COL4A2: variants seen among roughly 807,000 people sequenced by gnomAD.
COL4A2 encodes collagen alpha-2(IV) chain.
Under a neutral mutation model 200.2 loss-of-function variants are expected in COL4A2, and 99 were observed. That is an observed-to-expected ratio of 0.49 (90% confidence interval 0.42 to 0.58). The LOEUF (loss-of-function observed/expected upper bound fraction) is 0.58, where lower values mean the gene tolerates loss of function less well. COL4A2 is among the 20% of genes least tolerant of loss of function. The pLI is 0.00. For missense variants in COL4A2, 1,950 were observed against 2,314.1 expected, an observed-to-expected ratio of 0.84 and a Z score of 3.23; for synonymous variants, 897 against 900.6, an observed-to-expected ratio of 1.00 and a Z score of 0.07.
intron 4 of COL4A2, among the ~76,000 whole-genome samples, chr13:110,371,900 G>A (rs1399519419): frequency 3.9e-5 from 6 of 152,138 alleles, no homozygotes; most frequent in African/African-American, 1.4e-4. Flanking sequence ...TTGGCTTTGA[G>A]ACAATAGGAA....
At chr13:110,462,567 T>A in intron 24 of COL4A2, 183 bp downstream of exon 24, 1 of 587,542 alleles carries the variant, frequency 1.7e-6, no homozygotes, top group Non-Finnish European at 2.9e-6. Flanking sequence ...AACGGTGAAT[T>A]AAGTTAGAAG....
chr13:110,483,067 C>T (rs538270953), intron 32 of COL4A2, among the ~76,000 whole-genome samples: 5 of 152,302 alleles, frequency 3.3e-5, no homozygotes, highest in South Asian at 2.1e-4. Context: ...GGACATAACA[C>T]GGTGCCAGAG....
chr13:110,439,849 G>C lies in COL4A2; in HGVS notation c.957+16G>C, dbSNP rs1322118385. ...AGGACAGAAGGTAAGTTGGATGCAT[G>C]AACTGCAGTCTGCTCTGGGCCCACG... On this transcript the variant is annotated intron_variant, in intron 16 of 47. Coordinates refer to ENST00000360467, the MANE Select transcript of COL4A2 (RefSeq NM_001846.4). 2 of 1,613,816 alleles carry C rather than the reference G, an allele frequency of 1.2e-6. No homozygotes were observed. Among genetic ancestry groups the C allele is most frequent in the Non-Finnish European group, 8.5e-7 (1 of 1,179,936 alleles).
intron 4 of COL4A2, among the ~76,000 whole-genome samples, chr13:110,420,839 C>T (rs1880221198): frequency 6.6e-6 from 1 of 152,160 alleles, no homozygotes; most frequent in Non-Finnish European, 1.5e-5. Context: ...CCTCCTCGGG[C>T]CATGCTGTAA....
At chr13:110,380,434 T>G (rs529198133) in intron 4 of COL4A2, among the ~76,000 whole-genome samples, 1 of 152,352 alleles carries the variant, frequency 6.6e-6, no homozygotes, top group South Asian at 2.1e-4. Flanking sequence ...CTTTAATGTG[T>G]TAACTGTTAA....
In COL4A2 at chr13:110,480,418, C is replaced by T. The variant is rs758879297; in HGVS notation, c.2758+28C>T. On this transcript the variant is annotated intron_variant, in intron 31 of 47. Coordinates refer to ENST00000360467, the MANE Select transcript of COL4A2 (RefSeq NM_001846.4). ...AATTGTGTGACTGTGACCAGGGATC[C>T]CTTGGCGGGGAGGTTGGGTCTAATC... The T allele has an allele frequency of 6.3e-6, 10 of 1,592,096 alleles. 2 individuals carry two copies. In the South Asian group the frequency reaches 1.1e-4, roughly 18 times the overall value.
intron 4 of COL4A2, among the ~76,000 whole-genome samples, chr13:110,398,114 C>T (rs1441496843): frequency 2.5e-5 from 3 of 121,722 alleles, no homozygotes; most frequent in African/African-American, 9.3e-5. Flanking sequence ...TTTTTTTTTT[C>T]CTACTGCTTC....
At chr13:110,355,212 C>T (rs1262355254) in intron 3 of COL4A2, among the ~76,000 whole-genome samples, 2 of 152,094 alleles carry the variant, frequency 1.3e-5, no homozygotes, top group African/African-American at 2.4e-5. Context: ...TAGGGAGGCT[C>T]CAGGCAGGCT....
At chr13:110,467,196 C>T (rs1386991597) in intron 27 of COL4A2, 100 bp downstream of exon 27, 2 of 1,468,818 alleles carry the variant, frequency 1.4e-6, no homozygotes, top group East Asian at 2.4e-5. Context: ...CTGCATCCCC[C>T]ACCCCAGACA....
chr13:110,491,851 C>T (rs1253221727), intron 37 of COL4A2, among the ~76,000 whole-genome samples: 1 of 152,252 alleles, frequency 6.6e-6, no homozygotes, highest in Non-Finnish European at 1.5e-5. Context: ...GCTATTTTCT[C>T]TCTGGCAAGG....
rs576818694 is a variant in COL4A2 at position 110,450,057 on chromosome 13, G to A, written c.1190-248G>A. 8.5e-5 allele frequency among the ~76,000 whole-genome samples: 13 copies of A among 152,308 alleles called. No homozygotes were observed. In the South Asian group the frequency reaches 1.5e-3, roughly 17 times the overall value. ...TCCACCTGTGGGTTGGGAAGAGAAC[G>A]GAGAATCATCAGGTGTTGTTGCCCA... On this transcript the variant is annotated intron_variant, in intron 19 of 47. Coordinates refer to ENST00000360467, the MANE Select transcript of COL4A2 (RefSeq NM_001846.4).
At chr13:110,472,457 G>A (rs923085947) in intron 28 of COL4A2, among the ~76,000 whole-genome samples, 14 of 152,078 alleles carry the variant, frequency 9.2e-5, no homozygotes, top group African/African-American at 1.4e-4. Flanking sequence ...TTTCCCAACC[G>A]ACAGTGACGG....
chr13:110,370,598 T>A (rs1236705006), intron 4 of COL4A2, among the ~76,000 whole-genome samples: 1 of 152,210 alleles, frequency 6.6e-6, no homozygotes, highest in Non-Finnish European at 1.5e-5. Flanking sequence ...TTTTTCTGCT[T>A]CTTCACTCTT....
At position 110,488,171 on chromosome 13, in the gene COL4A2, G is replaced by A. The variant is rs140722759; in HGVS notation, c.3208-1274G>A. On this transcript the variant is annotated intron_variant, in intron 34 of 47. Transcript: ENST00000360467. ...CTCCCAAGTAGCTGGGATTACAGGCGCACGCCACCACGCCCAGCTAATTTT... is the reference window on the plus strand; with the variant it reads ...CTCCCAAGTAGCTGGGATTACAGGCACACGCCACCACGCCCAGCTAATTTT... 3.6e-3 allele frequency among the ~76,000 whole-genome samples: 544 copies of A among 152,200 alleles called. 2 individuals carry two copies. The highest frequency in any genetic ancestry group is 0.012 in the African/African-American group (490 of 41,548).
chr13:110,415,152 A>C (rs10851243), intron 4 of COL4A2, among the ~76,000 whole-genome samples: 22,356 of 152,226 alleles, frequency 0.15, 1,904 homozygotes, highest in East Asian at 0.3. Flanking sequence ...GGCAACACCC[A>C]GAATGTTGGG....
chr13:110,463,507 G>A (rs4417423), intron 24 of COL4A2, among the ~76,000 whole-genome samples: 88,383 of 151,954 alleles, frequency 0.58, 26,399 homozygotes, highest in Middle Eastern at 0.73. Context: ...AATTCTATTC[G>A]CAGCTTATTT....
At chr13:110,310,262 C>T (rs1222198826) in intron 3 of COL4A2, among the ~76,000 whole-genome samples, 2 of 152,214 alleles carry the variant, frequency 1.3e-5, no homozygotes, top group Non-Finnish European at 2.9e-5. Flanking sequence ...CCTAGACCCC[C>T]AGACCTAAAC....
rs763599898 is a variant in COL4A2, at chr13:110,438,598, C to T, written c.862-20C>T. ...GGCCGCCCCTGGGTTGCTCCTTACG[C>T]CCCCTCTGCTCTCTCCTAGGGCATT... On this transcript the variant is annotated intron_variant, in intron 14 of 47. Coordinates refer to ENST00000360467, the MANE Select transcript of COL4A2 (RefSeq NM_001846.4). 4 of 1,614,166 alleles carry T rather than the reference C, an allele frequency of 2.5e-6. No individual in the cohort carries two copies. The South Asian group carries it at 4.4e-5, about 18-fold the overall frequency.
intron 4 of COL4A2, among the ~76,000 whole-genome samples, chr13:110,408,167 C>T (rs749520011): frequency 3.3e-5 from 5 of 152,058 alleles, no homozygotes; most frequent in South Asian, 2.1e-4. Context: ...GAAACGCAGG[C>T]GGGTCCGTGG....
Sources: allele counts gnomAD v4.1 joint callset (sites outside exome capture counted in the v4.1 genomes callset), GRCh38; gene constraint gnomAD v4.1.1; transcripts MANE v1.5; gene names NCBI Gene and HGNC (gene_info 2026-07-23, HGNC 2026-07-21).